PAPPA2: variants seen among roughly 807,000 people sequenced by gnomAD.
PAPPA2 encodes the protein pappalysin-2.
A neutral mutation model predicts 176.4 loss-of-function variants in PAPPA2; 86 were observed. The ratio of observed to expected loss-of-function variants is 0.49; its 90% CI spans 0.41 to 0.58. PAPPA2 has a LOEUF of 0.58. Among genes scored for constraint, PAPPA2 ranks in the 20% least tolerant of loss-of-function variants. The probability of loss-of-function intolerance (pLI) is 0.00; values close to 1 mark genes in which losing one functional copy is unlikely to be tolerated. For missense variants in PAPPA2, 2,073 were observed against 2,256.9 expected (o/e 0.92, Z 1.65); for synonymous variants, 809 against 852.2 (o/e 0.95, Z 0.88).
At position 176,733,630 on chromosome 1, in the gene PAPPA2, G is replaced by A. The variant is rs936692632; in HGVS notation, c.3799-5996G>A. Among the ~76,000 whole-genome samples the A allele has an allele frequency of 2.0e-5, 3 of 152,098 alleles. No homozygotes were observed. The East Asian group carries it at 5.8e-4, about 29-fold the overall frequency. On this transcript the variant is annotated intron_variant, in intron 12 of 22. Transcript: ENST00000367662. Reference sequence around the variant, plus strand: ...CACGATAGAATCCTACCCAGCCGGGGAATGCTCTCATTCCTTTCTTTGCTT... The same window carrying A: ...CACGATAGAATCCTACCCAGCCGGGAAATGCTCTCATTCCTTTCTTTGCTT...
chr1:176,623,332 A>G (rs1164608338), intron 3 of PAPPA2, among the ~76,000 whole-genome samples: 1 of 152,158 alleles, frequency 6.6e-6, no homozygotes, highest in Non-Finnish European at 1.5e-5. Flanking sequence ...GAGAGGTGAA[A>G]CATTCCATGT....
At chr1:176,547,873 T>A (rs142556858) in intron 1 of PAPPA2, among the ~76,000 whole-genome samples, 1 of 152,338 alleles carries the variant, frequency 6.6e-6, no homozygotes, top group Non-Finnish European at 1.5e-5. Flanking sequence ...ATAGAAGCTA[T>A]TCCTTTATCC....
intron 12 of PAPPA2, among the ~76,000 whole-genome samples, chr1:176,717,592 C>T (rs751359152): frequency 3.4e-4 from 52 of 152,238 alleles, no homozygotes; most frequent in Non-Finnish European, 4.3e-4. Flanking sequence ...TCTAACACCA[C>T]TGGCTCACCT....
intron 1 of PAPPA2, among the ~76,000 whole-genome samples, chr1:176,509,986 A>G (rs1022935054): frequency 2.6e-5 from 4 of 152,150 alleles, no homozygotes; most frequent in Non-Finnish European, 2.9e-5. Context: ...ATGAGTTGTG[A>G]TCATGCCACT....
At chr1:176,483,460 C>CTTTTTTTTTTT (rs56705620) in intron 1 of PAPPA2, among the ~76,000 whole-genome samples, 1 of 48,588 alleles carries the variant, frequency 2.1e-5, no homozygotes, top group Non-Finnish European at 3.8e-5. Flanking sequence ...ACTCAGACAT[C>CTTTTTTTTTTT]TTTTTTTTTT....
At chr1:176,518,946 A>G (rs1032616715) in intron 1 of PAPPA2, among the ~76,000 whole-genome samples, 2 of 152,234 alleles carry the variant, frequency 1.3e-5, no homozygotes, top group African/African-American at 4.8e-5. Context: ...AAATGTTCAC[A>G]TATGTCGTTC....
chr1:176,764,563 A>C (rs547787869), intron 14 of PAPPA2, among the ~76,000 whole-genome samples: 1 of 152,226 alleles, frequency 6.6e-6, no homozygotes, highest in East Asian at 1.9e-4. Flanking sequence ...CTGCCATGGC[A>C]AGAGGGTGAC....
At chr1:176,706,499 T>C (rs767020698) in intron 10 of PAPPA2, 49 bp downstream of exon 10, 2 of 1,523,004 alleles carry the variant, frequency 1.3e-6, no homozygotes, top group Admixed American at 1.7e-5. Context: ...TTTAGAGGTG[T>C]ATTATTTTGT....
At chr1:176,667,132 C>T (rs1658705613) in intron 3 of PAPPA2, among the ~76,000 whole-genome samples, 1 of 151,926 alleles carries the variant, frequency 6.6e-6, no homozygotes, top group Non-Finnish European at 1.5e-5. Context: ...GTAATCCCAG[C>T]TACTCAGGAA....
intron 1 of PAPPA2, among the ~76,000 whole-genome samples, chr1:176,552,894 A>C (rs1199986228): frequency 6.6e-6 from 1 of 152,170 alleles, no homozygotes; most frequent in Non-Finnish European, 1.5e-5. Flanking sequence ...ACCAGCTTTC[A>C]AGTCTGTGCA....
Position 176,556,181 on chromosome 1 carries a change from T to G in PAPPA2, c.-142T>G. On this transcript the variant is annotated 5_prime_UTR_variant, in exon 2 of 23. In the 5' UTR this introduces an upstream ATG that the reference lacks. Coordinates refer to ENST00000367662, the MANE Select transcript of PAPPA2 (RefSeq NM_020318.3). ...CCAGCAGAGGCATTCTTGGGGCTAT[T>G]TGAAAAAGTTTGGTCTGTGAACAAA... 1 of 994,634 alleles carries G rather than the reference T, an allele frequency of 1.0e-6. No individual in the cohort carries two copies. Among genetic ancestry groups the G allele is most frequent in the South Asian group, 1.6e-5 (1 of 62,326 alleles). The allele number at this position is 994,634 out of a possible 1,614,324, so 61.6% of individuals were successfully genotyped here. A position where few individuals can be genotyped will look rare whatever the true frequency, so the allele number is the denominator to read the frequency against.
chr1:176,529,097 T>G lies in PAPPA2; in HGVS notation c.-916-26310T>G, dbSNP rs1469228913. Among the ~76,000 whole-genome samples the G allele has an allele frequency of 2.0e-5, 3 of 152,184 alleles. No homozygotes were observed. The East Asian group carries it at 5.8e-4, about 29-fold the overall frequency. On this transcript the variant is annotated intron_variant, in intron 1 of 22. Transcript: ENST00000367662. ...CAATCTGCACAGAATAGACACTTTA[T>G]AAATATTTGTTGAAATGCAGTGGAA...
At chr1:176,674,590 T>A (rs1354262143) in intron 4 of PAPPA2, among the ~76,000 whole-genome samples, 1 of 151,966 alleles carries the variant, frequency 6.6e-6, no homozygotes, top group Non-Finnish European at 1.5e-5. Context: ...ATGCCATTAT[T>A]TTATTCCTTT....
At chr1:176,810,399 C>CCAT (rs1161094747) in intron 21 of PAPPA2, among the ~76,000 whole-genome samples, 1 of 152,038 alleles carries the variant, frequency 6.6e-6, no homozygotes, top group Admixed American at 6.5e-5. Flanking sequence ...TGGACAGTGT[C>CCAT]GGTGGGGGGA....
intron 1 of PAPPA2, among the ~76,000 whole-genome samples, chr1:176,513,160 TC>T (rs1553354723): frequency 1.5e-5 from 1 of 64,578 alleles, no homozygotes; most frequent in African/African-American, 1.3e-4. Flanking sequence ...TTTCTGTCTA[TC>T]ATCATCATCA....
At chr1:176,554,800 C>A (rs1651168212) in intron 1 of PAPPA2, among the ~76,000 whole-genome samples, 1 of 152,152 alleles carries the variant, frequency 6.6e-6, no homozygotes, top group Non-Finnish European at 1.5e-5. Context: ...TCTCCTTTCT[C>A]CCATGTCCGA....
chr1:176,720,166 G>A (rs1661554538), intron 12 of PAPPA2, among the ~76,000 whole-genome samples: 1 of 152,160 alleles, frequency 6.6e-6, no homozygotes, highest in South Asian at 2.1e-4. Flanking sequence ...GAAACTGTCA[G>A]TATATAATTT....
intron 3 of PAPPA2, among the ~76,000 whole-genome samples, chr1:176,602,223 C>T (rs1032187980): frequency 6.6e-6 from 1 of 152,144 alleles, no homozygotes; most frequent in South Asian, 2.1e-4. Flanking sequence ...CTCTTCTTTG[C>T]CTCATTCCCT....
At chr1:176,501,047 C>A (rs901246060) in intron 1 of PAPPA2, among the ~76,000 whole-genome samples, 1 of 148,302 alleles carries the variant, frequency 6.7e-6, no homozygotes, top group Non-Finnish European at 1.5e-5. Context: ...TAGGCATATA[C>A]AATATATTAA....
Sources: allele counts gnomAD v4.1 joint callset (sites outside exome capture counted in the v4.1 genomes callset), GRCh38; gene constraint gnomAD v4.1.1; transcripts MANE v1.5; gene names NCBI Gene and HGNC (gene_info 2026-07-23, HGNC 2026-07-21).